The following PLD5 variants were observed in gnomAD, a reference collection of about 807,000 sequenced individuals.
The protein encoded by PLD5 is phospholipase D family member 5.
PLD5 carries 36 observed loss-of-function variants against 61.1 expected under a neutral mutation model. The observed-to-expected ratio is 0.59, with a 90% CI of 0.45 to 0.78. The LOEUF (loss-of-function observed/expected upper bound fraction) is 0.78, where lower values mean the gene tolerates loss of function less well. Ranked by LOEUF, PLD5 falls within the 30% of genes least tolerant of loss-of-function variation. The pLI, the probability that PLD5 is intolerant of heterozygous loss-of-function variation, is 0.00. For missense variants in PLD5, 515 were observed against 644.4 expected (o/e 0.80, Z 2.17); for synonymous variants, 243 against 242.8 (o/e 1.00, Z -0.01).
At chr1:242,187,652 T>TA (rs1667990514) in intron 5 of PLD5, among the ~76,000 whole-genome samples, 1 of 152,222 alleles carries the variant, frequency 6.6e-6, no homozygotes, top group African/African-American at 2.4e-5. Flanking sequence ...ATTCTATTGT[T>TA]AGATTCACAG....
intron 3 of PLD5, among the ~76,000 whole-genome samples, chr1:242,283,612 T>C (rs1674847873): frequency 6.6e-6 from 1 of 152,204 alleles, no homozygotes; most frequent in Admixed American, 6.5e-5. Flanking sequence ...ATCACACGTA[T>C]CTGTGAAGGA....
At chr1:242,245,188 A>G (rs1672286028) in intron 4 of PLD5, among the ~76,000 whole-genome samples, 1 of 152,234 alleles carries the variant, frequency 6.6e-6, no homozygotes, top group Non-Finnish European at 1.5e-5. Context: ...AGCCTTTTAG[A>G]GAAGGTTAAT....
intron 1 of PLD5, 150 bp from the exon 2 acceptor site, chr1:242,348,392 G>C: frequency 2.3e-6 from 2 of 851,536 alleles, no homozygotes; most frequent in Non-Finnish European, 3.5e-6. Flanking sequence ...TAGTGAACAT[G>C]CCAAAGATCT....
In PLD5 at chr1:242,219,429, C is replaced by T. The variant is rs115033328; in HGVS notation, c.735+559G>A. Among the ~76,000 whole-genome samples the T allele has an allele frequency of 6.9e-3, 1,048 of 152,204 alleles. 2 individuals carry two copies. Among genetic ancestry groups the T allele is most frequent in the Middle Eastern group, 0.017 (5 of 294 alleles). Reference sequence around the variant, plus strand: ...TCCTAAGCATCCAATGACTAGGAACCTCCTGTCGCTGGATGACTAATGGAA... The same window carrying T: ...TCCTAAGCATCCAATGACTAGGAACTTCCTGTCGCTGGATGACTAATGGAA... On this transcript the variant is annotated intron_variant, in intron 5 of 9. Transcript: ENST00000536534.
intron 1 of PLD5, among the ~76,000 whole-genome samples, chr1:242,354,452 A>G (rs1359573945): frequency 4.6e-5 from 7 of 152,172 alleles, no homozygotes; most frequent in African/African-American, 1.7e-4. Context: ...GAGAAGTACC[A>G]TTTAATATGA....
At chr1:242,247,128 C>T (rs1034176304) in intron 4 of PLD5, among the ~76,000 whole-genome samples, 56 of 151,958 alleles carry the variant, frequency 3.7e-4, no homozygotes, top group African/African-American at 1.1e-3. Flanking sequence ...GGACTACAGG[C>T]GCCCGCCACC....
intron 1 of PLD5, among the ~76,000 whole-genome samples, chr1:242,393,980 A>G (rs889498190): frequency 7.0e-6 from 1 of 142,328 alleles, no homozygotes; most frequent in African/African-American, 2.6e-5. Flanking sequence ...GAATCACTTG[A>G]ACCCGGAAGG....
At chr1:242,433,139 CT>C (rs1665808639) in intron 1 of PLD5, among the ~76,000 whole-genome samples, 1 of 152,070 alleles carries the variant, frequency 6.6e-6, no homozygotes, top group Admixed American at 6.5e-5. Context: ...GCAATACATT[CT>C]GGTCCCCTGA....
At chr1:242,152,280 T>C (rs979370563) in intron 5 of PLD5, among the ~76,000 whole-genome samples, 2 of 152,132 alleles carry the variant, frequency 1.3e-5, no homozygotes, top group East Asian at 3.9e-4. Context: ...TGGTCCTTTT[T>C]GTCTAATTCC....
intron 6 of PLD5, among the ~76,000 whole-genome samples, chr1:242,115,785 C>T (rs1011455048): frequency 4.6e-5 from 7 of 151,838 alleles, no homozygotes; most frequent in East Asian, 1.9e-4. Flanking sequence ...ATTAAGATGC[C>T]GAAATTCAGC....
At chr1:242,119,956 T>A (rs1006327105) in intron 6 of PLD5, among the ~76,000 whole-genome samples, 1 of 152,214 alleles carries the variant, frequency 6.6e-6, no homozygotes, top group East Asian at 1.9e-4. Context: ...GTAAACAAAG[T>A]GTGGAATATC....
At chr1:242,110,360 G>A (rs183996712) in intron 7 of PLD5, among the ~76,000 whole-genome samples, 1 of 151,814 alleles carries the variant, frequency 6.6e-6, no homozygotes, top group Admixed American at 6.6e-5. Context: ...TGTACCTCAG[G>A]TACATTCAAG....
rs183455154 is a variant in PLD5 at position 242,298,079 on chromosome 1, A to G, written c.327-9549T>C. Among the ~76,000 whole-genome samples, 975 of 152,196 alleles carry G rather than the reference A, an allele frequency of 6.4e-3. 9 individuals are homozygous for G. The highest frequency in any genetic ancestry group is 0.022 in the African/African-American group (916 of 41,504). ...TGATGTATTTCTTTCCATTTTTAATACTTTATTTTTTGTCACCAGATGTTT... is the reference window on the plus strand; with the variant it reads ...TGATGTATTTCTTTCCATTTTTAATGCTTTATTTTTTGTCACCAGATGTTT... On this transcript the variant is annotated intron_variant, in intron 2 of 9. Coordinates refer to ENST00000536534, the MANE Select transcript of PLD5 (RefSeq NM_001372062.1).
chr1:242,141,510 G>A (rs1039396350), intron 5 of PLD5, among the ~76,000 whole-genome samples: 3 of 152,152 alleles, frequency 2.0e-5, no homozygotes, highest in Non-Finnish European at 1.5e-5. Context: ...ATAGATGGGT[G>A]CTTTGGGGAC....
chr1:242,257,058 A>ATCTATC (rs978092838), intron 4 of PLD5, among the ~76,000 whole-genome samples: 1 of 150,360 alleles, frequency 6.7e-6, no homozygotes, highest in African/African-American at 2.5e-5. Flanking sequence ...CTATCTATCT[A>ATCTATC]TCTATCTATC....
At chr1:242,283,119 T>C (rs1387773532) in intron 3 of PLD5, among the ~76,000 whole-genome samples, 2 of 152,250 alleles carry the variant, frequency 1.3e-5, no homozygotes, top group East Asian at 3.8e-4. Flanking sequence ...CATGTCTGTT[T>C]CCATGCAAAT....
rs57459426 is a variant in PLD5 at position 242,297,012 on chromosome 1, C to T, written c.327-8482G>A. On this transcript the variant is annotated intron_variant, in intron 2 of 9. Transcript: ENST00000536534. ...ACAGGCACACACTACTCTGCTCTGA[C>T]CATTCTATTATTTGTTAGTTGGCAT... is the stretch of plus-strand genomic sequence containing the variant. Among the ~76,000 whole-genome samples the T allele has an allele frequency of 2.0e-3, 305 of 152,278 alleles. 1 individual carries two copies. The highest frequency in any genetic ancestry group is 7.2e-3 in the African/African-American group (299 of 41,558).
At chr1:242,307,362 G>GGA (rs1558449721) in intron 2 of PLD5, among the ~76,000 whole-genome samples, 2 of 149,234 alleles carry the variant, frequency 1.3e-5, no homozygotes, top group East Asian at 4.0e-4. Flanking sequence ...GATGATGATG[G>GGA]TGATGATGAT....
At chr1:242,160,179 T>C (rs1665713820) in intron 5 of PLD5, among the ~76,000 whole-genome samples, 1 of 152,044 alleles carries the variant, frequency 6.6e-6, no homozygotes. Context: ...ATCTGGCTAA[T>C]TAATTTTTGT....
Sources: gnomAD v4.1 joint callset for allele counts (sites outside exome capture counted in the v4.1 genomes callset) on GRCh38, gnomAD v4.1.1 for gene constraint, MANE v1.5 for transcripts, NCBI Gene and HGNC (gene_info 2026-07-23, HGNC 2026-07-21) for gene names.